The following CLIC6 variants were observed in gnomAD, a reference collection of about 807,000 sequenced individuals.
The protein encoded by CLIC6 is CLIC family member 6.
A neutral mutation model predicts 49.2 loss-of-function variants in CLIC6; 39 were observed. The observed-to-expected ratio is 0.79, with a 90% CI of 0.61 to 1.04. The LOEUF is 1.04. CLIC6 is among the 50% of genes least tolerant of loss of function. The pLI is 0.00. For missense variants in CLIC6, 988 were observed against 993.1 expected (o/e 0.99, Z 0.07); for synonymous variants, 446 against 433.4 (o/e 1.03, Z -0.36).
intron 1 of CLIC6, among the ~76,000 whole-genome samples, chr21:34,698,086 G>A (rs946675807): frequency 3.3e-5 from 5 of 152,240 alleles, no homozygotes; most frequent in African/African-American, 1.2e-4. Flanking sequence ...TCATAGGCCT[G>A]TGAGGACAGG....
intron 1 of CLIC6, among the ~76,000 whole-genome samples, chr21:34,700,014 T>G (rs1300398923): frequency 6.6e-6 from 1 of 152,160 alleles, no homozygotes; most frequent in Non-Finnish European, 1.5e-5. Flanking sequence ...GGAGCCACGT[T>G]GCCTGTTCCT....
intron 3 of CLIC6, among the ~76,000 whole-genome samples, chr21:34,708,444 A>G (rs1356535933): frequency 6.6e-6 from 1 of 152,130 alleles, no homozygotes; most frequent in Non-Finnish European, 1.5e-5. Context: ...AGCACCTGAG[A>G]CCAGCAAGGC....
intron 1 of CLIC6, among the ~76,000 whole-genome samples, chr21:34,698,078 A>G (rs1990119652): frequency 6.6e-6 from 1 of 152,228 alleles, no homozygotes; most frequent in South Asian, 2.1e-4. Flanking sequence ...GAGGAATCTC[A>G]TAGGCCTGTG....
At position 34,716,596 on chromosome 21, in the gene CLIC6, C is replaced by A; in HGVS notation, c.*114C>A. 2 of 758,652 alleles carry A rather than the reference C, an allele frequency of 2.6e-6. No homozygotes were observed. Among genetic ancestry groups the A allele is most frequent in the Non-Finnish European group, 4.0e-6 (2 of 504,076 alleles). 47.0% of individuals were successfully genotyped at this position (758,652 alleles called of 1,614,324 possible). A position where few individuals can be genotyped will look rare whatever the true frequency, so the allele number is the denominator to read the frequency against. ...TTCCTTCAATTTTTAAAAAACTGGT[C>A]TCTGAGAGTTTTTTAAATCATTGAG... On this transcript the variant is annotated 3_prime_UTR_variant, in exon 6 of 6. Transcript: ENST00000349499.
intron 1 of CLIC6, among the ~76,000 whole-genome samples, chr21:34,688,202 C>T (rs1989918154): frequency 6.6e-6 from 1 of 152,166 alleles, no homozygotes; most frequent in African/African-American, 2.4e-5. Flanking sequence ...ACAATACTAG[C>T]AAAGATGTGA....
chr21:34,674,265 A>T (rs575811729), intron 1 of CLIC6, among the ~76,000 whole-genome samples: 2 of 152,096 alleles, frequency 1.3e-5, no homozygotes, highest in Non-Finnish European at 2.9e-5. Flanking sequence ...TTTTCAAAAA[A>T]ATTTTTGTAG....
chr21:34,696,612 C>T (rs1990093518), intron 1 of CLIC6, among the ~76,000 whole-genome samples: 1 of 152,246 alleles, frequency 6.6e-6, no homozygotes, highest in Non-Finnish European at 1.5e-5. Context: ...GTAGTACCTA[C>T]ACCTGATAGG....
chr21:34,700,403 C>A (rs1251156269), intron 1 of CLIC6, among the ~76,000 whole-genome samples: 1 of 129,556 alleles, frequency 7.7e-6, no homozygotes, highest in African/African-American at 3.3e-5. Context: ...GCCGAGATCG[C>A]GCCACCGCAC....
chr21:34,679,414 G>C (rs1443858021), intron 1 of CLIC6, among the ~76,000 whole-genome samples: 1 of 152,184 alleles, frequency 6.6e-6, no homozygotes, highest in African/African-American at 2.4e-5. Flanking sequence ...TTCGAGGTGA[G>C]ATTTGGGTGG....
chr21:34,669,851 G>A lies in CLIC6; in HGVS notation c.463G>A (p.Glu155Lys). Residue 155 changes from glutamate to lysine, a missense_variant, in exon 1 of 6, where the codon GAG becomes AAG. Physicochemically the swap from Glu to Lys is moderately conservative, Grantham distance 56. This residue lies in a region of CLIC6 where 284 missense variants were observed against 278.6 expected (regional missense o/e 1.02). Transcript: ENST00000349499. The part of the protein sequence containing the change: ...PEVPEGSASG[E>K]AGDSVDAEGP... Reference sequence around the variant, plus strand: ...GGTCCCGGAAGGTAGCGCGTCCGGGGAGGCGGGGGACAGCGTAGACGCGGA... The same window carrying A: ...GGTCCCGGAAGGTAGCGCGTCCGGGAAGGCGGGGGACAGCGTAGACGCGGA... 2 of 1,412,200 alleles carry A rather than the reference G, an allele frequency of 1.4e-6. No individual in the cohort carries two copies. The highest frequency in any genetic ancestry group is 1.5e-5 in the South Asian group (1 of 65,932). The allele number at this position is 1,412,200 out of a possible 1,614,324, so 87.5% of individuals were successfully genotyped here.
At position 34,670,570 on chromosome 21, in the gene CLIC6, C is replaced by T. The variant is rs775396713; in HGVS notation, c.1182C>T (p.Pro394=). 279 of 1,511,824 alleles carry T rather than the reference C, an allele frequency of 1.8e-4. 2 individuals carry two copies. Among genetic ancestry groups the T allele is most frequent in the Admixed American group, 6.1e-4 (27 of 44,254 alleles). The allele number at this position is 1,511,824 out of a possible 1,614,324, so 93.7% of individuals were successfully genotyped here. A position where few individuals can be genotyped will look rare whatever the true frequency, so the allele number is the denominator to read the frequency against. The change falls in exon 1 of 6, where the codon CCC becomes CCT. Residue 394 remains proline, a synonymous_variant. Transcript: ENST00000349499. ...CAGCGGGGGGCGAAGAGGAATCCCCCGACAGCAGCCCACATGGGGAGGCCT... is the reference window on the plus strand; with the variant it reads ...CAGCGGGGGGCGAAGAGGAATCCCCTGACAGCAGCCCACATGGGGAGGCCT... ...EEAAGGEEES[P]DSSPHGEASR... is the part of the protein sequence containing the mutation.
At chr21:34,706,954 G>A (rs908851968) in intron 1 of CLIC6, among the ~76,000 whole-genome samples, 9 of 152,344 alleles carry the variant, frequency 5.9e-5, no homozygotes, top group African/African-American at 2.2e-4. Flanking sequence ...GTGATAAAGG[G>A]AGTTCCCATT....
At chr21:34,686,273 C>A (rs531800954) in intron 1 of CLIC6, among the ~76,000 whole-genome samples, 1 of 152,078 alleles carries the variant, frequency 6.6e-6, no homozygotes, top group Admixed American at 6.5e-5. Context: ...TGGTGGCACT[C>A]GCCTGTAGTC....
intron 1 of CLIC6, among the ~76,000 whole-genome samples, chr21:34,683,318 T>C (rs763393702): frequency 6.4e-4 from 98 of 152,346 alleles, no homozygotes; most frequent in Non-Finnish European, 1.3e-3. Flanking sequence ...GAAATTTATT[T>C]GATTCCCATA....
At chr21:34,686,985 A>G (rs1266640941) in intron 1 of CLIC6, among the ~76,000 whole-genome samples, 1 of 152,214 alleles carries the variant, frequency 6.6e-6, no homozygotes, top group African/African-American at 2.4e-5. Context: ...ACCTCGCTCA[A>G]ATCCTTCACT....
In CLIC6 at chr21:34,685,103, T is replaced by G. The variant is rs567301573; in HGVS notation, c.1374+14341T>G. ...TTGTTCTCAAGGCTTTATGCTTTTA[T>G]TTTCCTAGCTTTGGTGGGGTGGCAG... On this transcript the variant is annotated intron_variant, in intron 1 of 5. Transcript: ENST00000349499. 2.1e-4 allele frequency among the ~76,000 whole-genome samples: 32 copies of G among 152,290 alleles called. No homozygotes were observed. In the South Asian group the frequency reaches 6.4e-3, roughly 31 times the overall value.
chr21:34,681,396 C>G (rs1989778234), intron 1 of CLIC6, among the ~76,000 whole-genome samples: 1 of 152,204 alleles, frequency 6.6e-6, no homozygotes, highest in Non-Finnish European at 1.5e-5. Context: ...GAACACAGAG[C>G]CAAACCTTAT....
chr21:34,694,005 C>G (rs1473369692), intron 1 of CLIC6, among the ~76,000 whole-genome samples: 3 of 139,494 alleles, frequency 2.2e-5, no homozygotes, highest in African/African-American at 5.6e-5. Context: ...CGGAGTCTTG[C>G]TCTGTCGCCC....
At position 34,716,310 on chromosome 21, in the gene CLIC6, T is replaced by C. The variant is rs1244498233; in HGVS notation, c.1900-11T>C. 1.2e-6 allele frequency: 2 copies of C among 1,609,712 alleles called. No individual in the cohort carries two copies. The highest frequency in any genetic ancestry group is 2.2e-5 in the East Asian group (1 of 44,836). ...TTTTCCCTTTACTGATCATTTTCTC[T>C]TCATTTTCAGATTGTGGCCAAGAAG... On this transcript the variant is annotated splice_polypyrimidine_tract_variant and intron_variant, in intron 5 of 5. Transcript: ENST00000349499.
Sources: gnomAD v4.1 joint callset for allele counts (sites outside exome capture counted in the v4.1 genomes callset) on GRCh38, gnomAD v4.1.1 for gene constraint, gnomAD v4.1.1 regional missense constraint, MANE v1.5 for transcripts, NCBI Gene and HGNC (gene_info 2026-07-23, HGNC 2026-07-21) for gene names.